The following STRN3 variants were observed in gnomAD, a reference collection of about 807,000 sequenced individuals.
STRN3 encodes the protein striatin 3, also known as striatin-3.
Under a neutral mutation model 95.6 loss-of-function variants are expected in STRN3, and 29 were observed. That is an observed-to-expected ratio of 0.30 (90% CI 0.23 to 0.41). STRN3 has a LOEUF of 0.41. STRN3 is among the 10% of genes least tolerant of loss of function. The pLI, the probability that STRN3 is intolerant of heterozygous loss-of-function variation, is 1.00. For missense variants in STRN3, 890 were observed against 972.1 expected, an observed-to-expected ratio of 0.92 and a Z score of 1.12; for synonymous variants, 331 against 357.6, an observed-to-expected ratio of 0.93 and a Z score of 0.84.
At chr14:31,023,284 T>C (rs1201332980) in intron 1 of STRN3, among the ~76,000 whole-genome samples, 1 of 152,186 alleles carries the variant, frequency 6.6e-6, no homozygotes, top group Non-Finnish European at 1.5e-5. Context: ...AAGAAACCAC[T>C]GTCCTATGAC....
chr14:30,964,998 A>G (rs746396822), intron 1 of STRN3, among the ~76,000 whole-genome samples: 12 of 152,028 alleles, frequency 7.9e-5, no homozygotes, highest in Non-Finnish European at 1.6e-4. Context: ...AGCTTGCTCT[A>G]GTTAGACATG....
Position 30,895,174 on chromosome 14 carries a change from T to A in STRN3, c.*237A>T. 2.3e-6 allele frequency: 1 copy of A among 425,838 alleles called. No homozygotes were observed. The highest frequency in any genetic ancestry group is 4.1e-5 in the East Asian group (1 of 24,508). 26.4% of individuals were successfully genotyped at this position (425,838 alleles called of 1,614,324 possible). ...AAAACAGATATACGCTCAGTTCACATCCAGTACAGGCCACAAATACTGGAG... is the reference window on the plus strand; with the variant it reads ...AAAACAGATATACGCTCAGTTCACAACCAGTACAGGCCACAAATACTGGAG... On this transcript the variant is annotated 3_prime_UTR_variant, in exon 18 of 18. Transcript: ENST00000357479.
At chr14:30,959,079 C>T (rs1880059786) in intron 1 of STRN3, among the ~76,000 whole-genome samples, 1 of 152,210 alleles carries the variant, frequency 6.6e-6, no homozygotes, top group African/African-American at 2.4e-5. Flanking sequence ...GTAATCCCAG[C>T]ACTTCCAGAG....
intron 13 of STRN3, among the ~76,000 whole-genome samples, chr14:30,910,250 G>A (rs1198682934): frequency 6.6e-6 from 1 of 152,046 alleles, no homozygotes; most frequent in Non-Finnish European, 1.5e-5. Flanking sequence ...TGCCTGTTAC[G>A]CCCTCTCAAC....
At chr14:30,945,218 A>G (rs1879301799) in intron 5 of STRN3, among the ~76,000 whole-genome samples, 1 of 152,148 alleles carries the variant, frequency 6.6e-6, no homozygotes, top group South Asian at 2.1e-4. Flanking sequence ...GCTGGTGGGG[A>G]GGTAAAACAG....
chr14:30,908,295 C>A (rs1026522961), intron 13 of STRN3, among the ~76,000 whole-genome samples: 1 of 152,176 alleles, frequency 6.6e-6, no homozygotes, highest in African/African-American at 2.4e-5. Context: ...ATGCTTTTCA[C>A]TTCCTGTTTA....
chr14:30,936,805 T>C (rs1035196035), intron 5 of STRN3, among the ~76,000 whole-genome samples, 181 bp from the exon 6 acceptor site: 1 of 152,216 alleles, frequency 6.6e-6, no homozygotes, highest in African/African-American at 2.4e-5. Flanking sequence ...GAAATAAAAG[T>C]AATTATTCTC....
intron 1 of STRN3, among the ~76,000 whole-genome samples, chr14:30,986,814 T>C (rs1250382257): frequency 6.6e-6 from 1 of 152,256 alleles, no homozygotes; most frequent in African/African-American, 2.4e-5. Flanking sequence ...AACTATTTTT[T>C]TCAGTAATGA....
chr14:31,014,105 T>C (rs1438483107), intron 1 of STRN3, among the ~76,000 whole-genome samples: 1 of 151,754 alleles, frequency 6.6e-6, no homozygotes, highest in Non-Finnish European at 1.5e-5. Flanking sequence ...GGGTATCACT[T>C]TGTTGCCCAG....
At chr14:30,939,009 C>A (rs1180748291) in intron 5 of STRN3, among the ~76,000 whole-genome samples, 1 of 152,098 alleles carries the variant, frequency 6.6e-6, no homozygotes, top group Non-Finnish European at 1.5e-5. Context: ...GAGTCAGAGA[C>A]AAGAATTCTC....
chr14:30,963,881 G>A (rs188765164), intron 1 of STRN3, among the ~76,000 whole-genome samples: 1 of 152,210 alleles, frequency 6.6e-6, no homozygotes, highest in East Asian at 1.9e-4. Flanking sequence ...AACAAACACA[G>A]GACATACCAA....
intron 1 of STRN3, among the ~76,000 whole-genome samples, chr14:31,010,859 C>T (rs1260807760): frequency 1.3e-5 from 2 of 152,034 alleles, no homozygotes; most frequent in Admixed American, 6.6e-5. Flanking sequence ...GCCGACATGG[C>T]GAAACCTTGT....
At chr14:30,929,374 T>A in intron 7 of STRN3, 63 bp from the exon 8 acceptor site, 1 of 1,206,462 alleles carries the variant, frequency 8.3e-7, no homozygotes, top group Non-Finnish European at 1.2e-6. Flanking sequence ...CTGTTGGCAG[T>A]AAACTGTTAT....
intron 3 of STRN3, among the ~76,000 whole-genome samples, chr14:30,953,351 A>G (rs1418034449): frequency 6.6e-6 from 1 of 152,176 alleles, no homozygotes; most frequent in Non-Finnish European, 1.5e-5. Flanking sequence ...TTCTAAAATT[A>G]TCTAGATTTT....
At chr14:31,010,058 G>A (rs1200947279) in intron 1 of STRN3, among the ~76,000 whole-genome samples, 1 of 152,098 alleles carries the variant, frequency 6.6e-6, no homozygotes, top group East Asian at 1.9e-4. Context: ...AGCCATGATT[G>A]ATAGCATCAC....
Position 31,026,007 on chromosome 14 carries a change from G to A in STRN3, c.179C>T (p.Pro60Leu), listed in dbSNP as rs747184947. 8 of 1,551,864 alleles carry A rather than the reference G, an allele frequency of 5.2e-6. No homozygotes were observed. The highest frequency in any genetic ancestry group is 7.0e-6 in the Non-Finnish European group (8 of 1,148,266). ...GPAAGPELSRPQQYTIPGILH... is the reference protein window; with the variant it reads ...GPAAGPELSRLQQYTIPGILH... ...TATCCCCGGGATAGTGTACTGCTGC[G>A]GCCGGGACAGCTCGGGGCCTGCCGC... is the stretch of plus-strand genomic sequence containing the variant. Residue 60 changes from proline to leucine, a missense_variant, in exon 1 of 18, where the codon CCG (proline) becomes CTG (leucine). Physicochemically the swap from Pro to Leu is moderately conservative, Grantham distance 98 (BLOSUM62 -3). Coordinates refer to ENST00000357479, the MANE Select transcript of STRN3 (RefSeq NM_001083893.2).
intron 1 of STRN3, among the ~76,000 whole-genome samples, chr14:31,004,769 G>A (rs987925700): frequency 2.9e-4 from 44 of 151,754 alleles, no homozygotes; most frequent in African/African-American, 1.0e-3. Context: ...GTGAAACTCC[G>A]TATTGAAAAA....
At chr14:30,933,280 T>TAAA (rs35736582) in intron 7 of STRN3, among the ~76,000 whole-genome samples, 2,376 of 23,008 alleles carry the variant, frequency 0.1, 359 homozygotes, top group Middle Eastern at 0.2. Context: ...CCCTGTTTCA[T>TAAA]AAAAAAAAAA....
At chr14:31,013,267 C>A (rs1416481952) in intron 1 of STRN3, among the ~76,000 whole-genome samples, 2 of 150,156 alleles carry the variant, frequency 1.3e-5, no homozygotes, top group African/African-American at 4.9e-5. Context: ...TCCAAACTTG[C>A]GAGGCTGAGG....
Sources: allele counts gnomAD v4.1 joint callset (sites outside exome capture counted in the v4.1 genomes callset), GRCh38; gene constraint gnomAD v4.1.1; transcripts MANE v1.5; gene names NCBI Gene and HGNC (gene_info 2026-07-23, HGNC 2026-07-21).